MME: variants seen among roughly 807,000 people sequenced by gnomAD.
MME encodes neprilysin.
In MME, 98 loss-of-function variants were observed where a neutral mutation model predicts 113.2. That is an observed-to-expected ratio of 0.87 (90% CI 0.74 to 1.02). The LOEUF (loss-of-function observed/expected upper bound fraction) is 1.02, where lower values mean the gene tolerates loss of function less well. Ranked by LOEUF, MME falls within the 50% of genes least tolerant of loss-of-function variation. The pLI, the probability that MME is intolerant of heterozygous loss-of-function variation, is 0.00. For synonymous variants in MME, 292 were observed against 300.6 expected (o/e 0.97, Z 0.30); for missense variants, 836 against 896.0 (o/e 0.93, Z 0.86).
At chr3:155,028,316 A>G (rs1171016816) in intron 1 of MME, among the ~76,000 whole-genome samples, 1 of 152,232 alleles carries the variant, frequency 6.6e-6, no homozygotes, top group African/African-American at 2.4e-5. Context: ...TGGGGAATAC[A>G]TGAGATTGGG....
intron 3 of MME, chr3:155,112,557 A>G (rs572025246): frequency 4.6e-5 from 7 of 152,346 alleles, no homozygotes; most frequent in African/African-American, 1.7e-4. Context: ...GGAGTGGAAA[A>G]TGACATTCTG....
chr3:155,134,807 T>TAAAA, intron 8 of MME, among the ~76,000 whole-genome samples: 1 of 152,182 alleles, frequency 6.6e-6, no homozygotes, highest in Non-Finnish European at 1.5e-5. Flanking sequence ...CTGTTCATTT[T>TAAAA]TGACTTTTGA....
chr3:155,126,808 T>A (rs1359078388), intron 8 of MME, among the ~76,000 whole-genome samples: 1 of 152,048 alleles, frequency 6.6e-6, no homozygotes, highest in Non-Finnish European at 1.5e-5. Flanking sequence ...GAGACCAGCC[T>A]GACCACCATG....
chr3:155,116,789 T>A (rs778321065), intron 6 of MME, 30 bp downstream of exon 6: 3 of 1,591,564 alleles, frequency 1.9e-6, no homozygotes, highest in Non-Finnish European at 2.6e-6. Flanking sequence ...AAAAAAGAAA[T>A]TTCCATGTAA....
chr3:155,090,898 C>A (rs185150578), intron 3 of MME, among the ~76,000 whole-genome samples: 2 of 152,306 alleles, frequency 1.3e-5, no homozygotes, highest in Non-Finnish European at 2.9e-5. Flanking sequence ...ATCTTGGCAA[C>A]AGCTAGCCTT....
intron 3 of MME, among the ~76,000 whole-genome samples, chr3:155,101,966 G>C (rs1467875015): frequency 6.6e-6 from 1 of 152,180 alleles, no homozygotes; most frequent in Non-Finnish European, 1.5e-5. Context: ...AGACAGCGAA[G>C]GATCCTGCTT....
intron 3 of MME, among the ~76,000 whole-genome samples, chr3:155,103,994 C>A (rs2108223780): frequency 6.6e-6 from 1 of 152,276 alleles, no homozygotes; most frequent in African/African-American, 2.4e-5. Context: ...GTCAACTGAA[C>A]ACTGAGTAAG....
chr3:155,142,460 T>C, intron 12 of MME, 130 bp downstream of exon 12: 1 of 715,772 alleles, frequency 1.4e-6, no homozygotes, highest in South Asian at 1.6e-5. Context: ...TTCGTTATCT[T>C]GCACATATTT....
chr3:155,036,557 T>C (rs549203819), intron 1 of MME, among the ~76,000 whole-genome samples: 1 of 152,280 alleles, frequency 6.6e-6, no homozygotes, highest in East Asian at 1.9e-4. Flanking sequence ...CTTCTTTCAC[T>C]CAGAGTAATA....
In MME at chr3:155,090,703, T is replaced by A. The variant is rs1716211445; in HGVS notation, c.196+5609T>A. Among the ~76,000 whole-genome samples, 3 of 152,214 alleles carry A rather than the reference T, an allele frequency of 2.0e-5. No individual in the cohort carries two copies. The South Asian group carries it at 6.2e-4, about 32-fold the overall frequency. On this transcript the variant is annotated intron_variant, in intron 3 of 22. Transcript: ENST00000360490. Reference sequence around the variant, plus strand: ...TCTGTTTCTGGAATTTTCTATTTAATATATTGGACTGTAGTTGACCATGGG... The same window carrying A: ...TCTGTTTCTGGAATTTTCTATTTAAAATATTGGACTGTAGTTGACCATGGG...
At chr3:155,097,547 T>C (rs369148050) in intron 3 of MME, among the ~76,000 whole-genome samples, 79 of 151,936 alleles carry the variant, frequency 5.2e-4, no homozygotes, top group African/African-American at 1.8e-3. Context: ...AGGTGGAAAA[T>C]TGATGGATTT....
At chr3:155,155,294 T>C (rs1232193373) in intron 16 of MME, among the ~76,000 whole-genome samples, 1 of 152,162 alleles carries the variant, frequency 6.6e-6, no homozygotes, top group African/African-American at 2.4e-5. Flanking sequence ...AACAACACAA[T>C]TAAAAGGTCC....
intron 1 of MME, among the ~76,000 whole-genome samples, chr3:155,038,014 GA>G (rs1315632171): frequency 6.6e-6 from 1 of 152,150 alleles, no homozygotes; most frequent in Non-Finnish European, 1.5e-5. Flanking sequence ...ATAGTCTAAT[GA>G]AAGAGAAAAT....
Position 155,168,490 on chromosome 3 carries a change from A to G in MME, c.1781-2A>G, listed in dbSNP as rs765231758. 21 of 1,610,110 alleles carry G rather than the reference A, an allele frequency of 1.3e-5. No homozygotes were observed. The highest frequency in any genetic ancestry group is 1.8e-5 in the Non-Finnish European group (21 of 1,176,950). ...CATTTTACTTAAATAAATATATTAT[A>G]GGCAGAAACTTTAACAAAGATGGAG... On this transcript the variant is annotated splice_acceptor_variant, in intron 18 of 22. Transcript: ENST00000360490. LOFTEE classifies it high-confidence loss of function.
chr3:155,096,839 C>T (rs1011116923), intron 3 of MME, among the ~76,000 whole-genome samples: 11 of 152,160 alleles, frequency 7.2e-5, no homozygotes, highest in South Asian at 4.1e-4. Context: ...CCACCTCAGC[C>T]TCCTGAGTAG....
intron 17 of MME, among the ~76,000 whole-genome samples, chr3:155,162,449 C>A (rs1722786722): frequency 6.6e-6 from 1 of 152,004 alleles, no homozygotes; most frequent in Admixed American, 6.6e-5. Flanking sequence ...AACAATAATC[C>A]TCTGGTAAAT....
intron 1 of MME, among the ~76,000 whole-genome samples, chr3:155,066,043 G>C (rs1025275400): frequency 2.0e-5 from 3 of 152,168 alleles, no homozygotes; most frequent in Non-Finnish European, 2.9e-5. Flanking sequence ...AGGGCTATTA[G>C]ACCAGGAAGA....
At chr3:155,102,089 TC>T (rs1014915978) in intron 3 of MME, among the ~76,000 whole-genome samples, 2 of 152,192 alleles carry the variant, frequency 1.3e-5, no homozygotes, top group Non-Finnish European at 1.5e-5. Flanking sequence ...AAATTTTAGA[TC>T]CTGCCTACAT....
At chr3:155,093,055 A>G (rs539062002) in intron 3 of MME, among the ~76,000 whole-genome samples, 26 of 150,226 alleles carry the variant, frequency 1.7e-4, no homozygotes, top group Admixed American at 1.5e-3. Context: ...AAGCCGTTAA[A>G]AAAAAAAAAG....
Sources: gnomAD v4.1 joint callset for allele counts (sites outside exome capture counted in the v4.1 genomes callset) on GRCh38, gnomAD v4.1.1 for gene constraint, MANE v1.5 for transcripts, NCBI Gene and HGNC (gene_info 2026-07-23, HGNC 2026-07-21) for gene names.